ZNF638: variants seen among roughly 807,000 people sequenced by gnomAD.
The protein encoded by ZNF638 is zinc finger protein 638.
In ZNF638, 46 loss-of-function variants were observed where a neutral mutation model predicts 195.6. That is an observed-to-expected ratio of 0.24 (90% CI 0.19 to 0.30). The LOEUF is 0.30. Ranked by LOEUF, ZNF638 falls within the 10% of genes least tolerant of loss-of-function variation. ZNF638 has a pLI of 1.00. For synonymous variants in ZNF638, 845 were observed against 772.0 expected (o/e 1.09, Z -1.57); for missense variants, 2,440 against 2,325.3 (o/e 1.05, Z -1.01).
chr2:71,382,905 A>G (rs1027181950), intron 10 of ZNF638, among the ~76,000 whole-genome samples: 2 of 152,204 alleles, frequency 1.3e-5, no homozygotes, highest in African/African-American at 4.8e-5. Flanking sequence ...CATAATCTGT[A>G]CCAGAAGAGA....
At chr2:71,387,921 C>T (rs1573097057) in intron 10 of ZNF638, among the ~76,000 whole-genome samples, 1 of 151,828 alleles carries the variant, frequency 6.6e-6, no homozygotes, top group East Asian at 1.9e-4. Flanking sequence ...GAAGCCTCAA[C>T]CCAAAAGATA....
intron 19 of ZNF638, among the ~76,000 whole-genome samples, 189 bp downstream of exon 19, chr2:71,406,451 C>T (rs1394618028): frequency 1.3e-5 from 2 of 151,956 alleles, no homozygotes; most frequent in Non-Finnish European, 2.9e-5. Context: ...TCTCTTTTTT[C>T]AGAACTCCTA....
In ZNF638 at chr2:71,396,174, A is replaced by G. The variant is rs1467927527; in HGVS notation, c.2411A>G (p.Lys804Arg). 2 of 1,612,948 alleles carry G rather than the reference A, an allele frequency of 1.2e-6. No homozygotes were observed. The highest frequency in any genetic ancestry group is 2.7e-5 in the African/African-American group (2 of 74,866). ...GGACAAGCCAAGGCATCTGTAGCCA[A>G]AGTAAACAAATCTACAGGTATGTTT... ...KTGQAKASVA[K>R]VNKSTGKSAS... Residue 804 changes from lysine (K) to arginine (R), a missense_variant, in exon 11 of 28, where the codon AAA (lysine) becomes AGA (arginine). Around this residue, in one of 5 missense-constraint regions of ZNF638, gnomAD observed 1,883 missense variants for 1,739.1 expected, o/e 1.08. Transcript: ENST00000264447.
chr2:71,364,663 A>G (rs1367019226), intron 5 of ZNF638, among the ~76,000 whole-genome samples: 1 of 152,254 alleles, frequency 6.6e-6, no homozygotes, highest in African/African-American at 2.4e-5. Flanking sequence ...CATAGTTAAT[A>G]TCTGAGAAGT....
intron 26 of ZNF638, 77 bp downstream of exon 26, chr2:71,431,505 A>G: frequency 4.6e-6 from 6 of 1,299,354 alleles, no homozygotes; most frequent in Non-Finnish European, 6.6e-6. Flanking sequence ...CAAGCCTGTA[A>G]TCCCAGCACT....
intron 1 of ZNF638, among the ~76,000 whole-genome samples, chr2:71,339,425 A>T (rs2078727377): frequency 6.6e-6 from 1 of 152,204 alleles, no homozygotes; most frequent in African/African-American, 2.4e-5. Context: ...TGCTGGGATT[A>T]CAGGCATGAG....
Position 71,350,160 on chromosome 2 carries a change from G to T in ZNF638, c.1206G>T (p.Gln402His), listed in dbSNP as rs778972167. The T allele has an allele frequency of 1.2e-6, 2 of 1,613,512 alleles. No individual in the cohort carries two copies. Among genetic ancestry groups the T allele is most frequent in the African/African-American group, 2.7e-5 (2 of 75,056 alleles). ...CAAAGTTTTCACATGCTGATGCCCAGAAGATGAAGAGACTTCCAACTCCTT... is the reference window on the plus strand; with the variant it reads ...CAAAGTTTTCACATGCTGATGCCCATAAGATGAAGAGACTTCCAACTCCTT... Reference protein sequence around the residue: ...WLPKFSHADAQKMKRLPTPSM... With the variant: ...WLPKFSHADAHKMKRLPTPSM... Residue 402 changes from glutamine (Q) to histidine (H), a missense_variant, in exon 2 of 28, where the codon CAG (glutamine) becomes CAT (histidine). Gln to His is a conservative substitution (Grantham distance 24, BLOSUM62 0). Coordinates refer to ENST00000264447, the MANE Select transcript of ZNF638 (RefSeq NM_014497.5).
Position 71,368,542 on chromosome 2 carries a change from T to G in ZNF638, c.2142+14T>G. The G allele has an allele frequency of 6.2e-7, 1 of 1,607,782 alleles. No individual in the cohort carries two copies. On this transcript the variant is annotated intron_variant, in intron 7 of 27. Coordinates refer to ENST00000264447, the MANE Select transcript of ZNF638 (RefSeq NM_014497.5). ...TATAGAAAAGAGGTGAGTCATTTAG[T>G]CTGTGGCAAAAATTCATACAAAGTG...
rs60337577 is a variant in ZNF638 at position 71,384,001 on chromosome 2, T to A, written c.2377+3436T>A. Among the ~76,000 whole-genome samples, 31 of 152,146 alleles carry A rather than the reference T, an allele frequency of 2.0e-4. 1 individual carries two copies. The highest frequency in any genetic ancestry group is 7.5e-4 in the African/African-American group (31 of 41,526). On this transcript the variant is annotated intron_variant, in intron 10 of 27. Transcript: ENST00000264447. ...TGAGTATACTCTTCTCATTTTCTTA[T>A]ATTATTTAACAGTTACCACTAATCA...
At chr2:71,387,660 C>A (rs2079670782) in intron 10 of ZNF638, among the ~76,000 whole-genome samples, 2 of 149,192 alleles carry the variant, frequency 1.3e-5, no homozygotes, top group Non-Finnish European at 3.0e-5. Context: ...GCAAGACTCT[C>A]TCAAAAAAAA....
At chr2:71,396,026 G>A (rs2079886253) in intron 10 of ZNF638, 115 bp from the exon 11 acceptor site, 1 of 869,000 alleles carries the variant, frequency 1.2e-6, no homozygotes, top group Non-Finnish European at 1.9e-6. Context: ...ACAAAGATGA[G>A]TATAGGGCTG....
At chr2:71,394,097 C>T (rs899566162) in intron 10 of ZNF638, among the ~76,000 whole-genome samples, 2 of 152,196 alleles carry the variant, frequency 1.3e-5, no homozygotes, top group Non-Finnish European at 2.9e-5. Flanking sequence ...GGAGGTCTGT[C>T]ACGGGGGACA....
rs2080554596 is a variant in ZNF638, at chr2:71,427,084, A to T, written c.5215A>T (p.Ile1739Leu). 1 of 1,614,068 alleles carries T rather than the reference A, an allele frequency of 6.2e-7. No homozygotes were observed. The highest frequency in any genetic ancestry group is 1.1e-5 in the South Asian group (1 of 91,086). ...TTCTACTTTAGTTACTGTAGATGAA[A>T]TACAAGATGACAGCAGTGATTTGCA... Reference protein sequence around the residue: ...DPSTLVTVDEIQDDSSDLHLV... With the variant: ...DPSTLVTVDELQDDSSDLHLV... Residue 1739 changes from isoleucine (I) to leucine (L), a missense_variant, in exon 24 of 28, where the codon ATA becomes TTA. Ile to Leu is a conservative substitution (Grantham distance 5, BLOSUM62 2). Transcript: ENST00000264447.
At position 71,380,095 on chromosome 2, in the gene ZNF638, T is replaced by C. The variant is rs893854856; in HGVS notation, c.2266-127T>C. On this transcript the variant is annotated intron_variant, in intron 8 of 27. Coordinates refer to ENST00000264447, the MANE Select transcript of ZNF638 (RefSeq NM_014497.5). ...GTGTAATCACAAATTGAAAAAAATG[T>C]CTTTATAAATAGGAAAAGGTAATAA... 4.2e-5 allele frequency: 20 copies of C among 471,290 alleles called. 1 individual carries two copies. Among genetic ancestry groups the C allele is most frequent in the Middle Eastern group, 5.6e-4 (1 of 1,794 alleles). The allele number at this position is 471,290 out of a possible 1,614,324, so 29.2% of individuals were successfully genotyped here. A position where few individuals can be genotyped will look rare whatever the true frequency, so the allele number is the denominator to read the frequency against.
At chr2:71,389,644 C>T (rs1357511826) in intron 10 of ZNF638, among the ~76,000 whole-genome samples, 1 of 152,214 alleles carries the variant, frequency 6.6e-6, no homozygotes, top group Admixed American at 6.5e-5. Context: ...AGCCTATGCA[C>T]AAGTGTCTTT....
intron 1 of ZNF638, among the ~76,000 whole-genome samples, chr2:71,343,234 T>G (rs946130923): frequency 2.0e-5 from 3 of 152,218 alleles, no homozygotes; most frequent in Non-Finnish European, 2.9e-5. Flanking sequence ...GGAACGCAAC[T>G]GTATTTTATT....
At chr2:71,363,804 A>G in intron 4 of ZNF638, 150 bp from the exon 5 acceptor site, 2 of 939,172 alleles carry the variant, frequency 2.1e-6, no homozygotes, top group Non-Finnish European at 3.1e-6. Flanking sequence ...ATTACATCAT[A>G]ACAAACAGAT....
At chr2:71,360,509 A>G (rs1191577626) in intron 3 of ZNF638, among the ~76,000 whole-genome samples, 1 of 151,916 alleles carries the variant, frequency 6.6e-6, no homozygotes, top group East Asian at 1.9e-4. Context: ...TATTCAGTTA[A>G]GATTTATGCA....
chr2:71,407,196 C>T (rs570282546), intron 19 of ZNF638: 92 of 152,160 alleles, frequency 6.0e-4, no homozygotes, highest in African/African-American at 2.1e-3. Context: ...ATAAAAAGCA[C>T]TTAATTAACC....
Sources: gnomAD v4.1 joint callset for allele counts (sites outside exome capture counted in the v4.1 genomes callset) on GRCh38, gnomAD v4.1.1 for gene constraint, gnomAD v4.1.1 regional missense constraint, MANE v1.5 for transcripts, NCBI Gene and HGNC (gene_info 2026-07-23, HGNC 2026-07-21) for gene names.